Variants in PECAM1 observed in about 807,000 individuals in gnomAD.
PECAM1 encodes platelet endothelial cell adhesion molecule.
Under a neutral mutation model 13.8 loss-of-function variants are expected in PECAM1, and 8 were observed. The ratio of observed to expected loss-of-function variants is 0.58; its 90% CI spans 0.34 to 1.05. PECAM1 has a LOEUF of 1.05. Ranked by LOEUF, PECAM1 falls within the 50% of genes least tolerant of loss-of-function variation. PECAM1 has a pLI of 0.03. For synonymous variants in PECAM1, 136 were observed against 52.6 expected, an observed-to-expected ratio of 2.58 and a Z score of -6.86; for missense variants, 304 against 141.2, an observed-to-expected ratio of 2.15 and a Z score of -5.84.
chr17:64,368,598 C>T (rs1455627595), intron 5 of PECAM1, among the ~76,000 whole-genome samples: 3 of 151,968 alleles, frequency 2.0e-5, no homozygotes, highest in African/African-American at 7.3e-5. Flanking sequence ...GCCTATAATC[C>T]CAGCACTTTA....
chr17:64,348,000 G>C (rs955809116), intron 13 of PECAM1, among the ~76,000 whole-genome samples: 1 of 152,004 alleles, frequency 6.6e-6, no homozygotes, highest in Non-Finnish European at 1.5e-5. Context: ...CAAAGTGCTA[G>C]GATTACAGGT....
intron 5 of PECAM1, among the ~76,000 whole-genome samples, chr17:64,368,852 CAAAAAAGAAAAAAA>C (rs1167540576): frequency 7.9e-5 from 6 of 75,606 alleles, no homozygotes; most frequent in South Asian, 9.6e-4. Flanking sequence ...GACTTTGTCT[CAAAAAAGAAAAAAA>C]AAAAAAGAAA....
At position 64,375,275 on chromosome 17, in the gene PECAM1, T is replaced by A; in HGVS notation, c.467A>T (p.Glu156Val). Residue 156 changes from glutamate to valine, a missense_variant, in exon 4 of 16, where the codon GAG becomes GTG. Glu to Val is a moderately radical substitution (Grantham distance 121). Coordinates refer to ENST00000563924, the MANE Select transcript of PECAM1 (RefSeq NM_000442.5). ...TGTGAAGTGTATTGGGGCCTTTTCC[T>A]CTGGGACAGAACAGTTGACCCTCAC... ...GIVRVNCSVP[E>V]EKAPIHFTIE... is the part of the protein sequence containing the mutation. 2.1e-6 allele frequency: 1 copy of A among 475,376 alleles called. No homozygotes were observed. Among genetic ancestry groups the A allele is most frequent in the Non-Finnish European group, 3.9e-6 (1 of 259,038 alleles). The allele number at this position is 475,376 out of a possible 1,614,324, so 29.4% of individuals were successfully genotyped here.
intron 14 of PECAM1, among the ~76,000 whole-genome samples, chr17:64,331,946 C>T (rs117795383): frequency 0.011 from 1,676 of 152,344 alleles, 27 homozygotes; most frequent in Middle Eastern, 0.037. Context: ...GCCAAGGGGC[C>T]TCAGTATAGA....
Position 64,323,242 on chromosome 17 carries a change from C to T in PECAM1, c.*574G>A, listed in dbSNP as rs2278680. 68 of 990,800 alleles carry T rather than the reference C, an allele frequency of 6.9e-5. No homozygotes were observed. In the African/African-American group the frequency reaches 9.4e-4, roughly 14 times the overall value. 61.4% of individuals were successfully genotyped at this position (990,800 alleles called of 1,614,324 possible). On this transcript the variant is annotated 3_prime_UTR_variant, in exon 16 of 16. Transcript: ENST00000563924. ...TGTCTTCAGGTTGGTATTTCACAGG[C>T]GGTGCTCCCAAGTAGTCTGGTTTTC... is the stretch of plus-strand genomic sequence containing the variant.
intron 14 of PECAM1, among the ~76,000 whole-genome samples, chr17:64,336,123 C>T (rs1027230331): frequency 1.3e-5 from 2 of 151,904 alleles, no homozygotes; most frequent in Non-Finnish European, 2.9e-5. Context: ...AAAAATTACC[C>T]GGGCGTGGTG....
intron 3 of PECAM1, among the ~76,000 whole-genome samples, chr17:64,376,321 TA>T (rs2036357612): frequency 6.6e-6 from 1 of 151,076 alleles, no homozygotes; most frequent in Non-Finnish European, 1.5e-5. Flanking sequence ...AATAAATAAA[TA>T]AATAAATAAA....
At chr17:64,356,600 C>T (rs964122908) in intron 7 of PECAM1, among the ~76,000 whole-genome samples, 2 of 151,908 alleles carry the variant, frequency 1.3e-5, no homozygotes, top group Non-Finnish European at 2.9e-5. Context: ...CTCAGCCTCC[C>T]GAGTAGCTGG....
At chr17:64,387,846 G>C (rs1022286100) in intron 2 of PECAM1, among the ~76,000 whole-genome samples, 40 of 152,128 alleles carry the variant, frequency 2.6e-4, no homozygotes, top group Non-Finnish European at 1.0e-4. Context: ...TGGAAGGAAG[G>C]GAAAGGGCCG....
intron 11 of PECAM1, among the ~76,000 whole-genome samples, chr17:64,350,931 C>T (rs2035707820): frequency 6.6e-6 from 1 of 152,224 alleles, no homozygotes; most frequent in African/African-American, 2.4e-5. Flanking sequence ...GGCTGGAGTG[C>T]AATGTTGAGA....
chr17:64,342,351 C>T (rs1057347010), intron 13 of PECAM1, among the ~76,000 whole-genome samples: 7 of 152,122 alleles, frequency 4.6e-5, no homozygotes, highest in Admixed American at 2.6e-4. Context: ...CCCCTGCCAC[C>T]GTGACCCTTG....
chr17:64,334,823 A>G (rs1431222566), intron 14 of PECAM1, among the ~76,000 whole-genome samples: 1 of 151,920 alleles, frequency 6.6e-6, no homozygotes, highest in Non-Finnish European at 1.5e-5. Flanking sequence ...CCCCTGTTTT[A>G]TTGGGGGTCA....
chr17:64,379,521 C>T (rs2036435908), intron 2 of PECAM1, among the ~76,000 whole-genome samples: 1 of 152,092 alleles, frequency 6.6e-6, no homozygotes, highest in African/African-American at 2.4e-5. Context: ...TTTTGGAGAT[C>T]CTCTTGGCAA....
intron 15 of PECAM1, 105 bp downstream of exon 15, chr17:64,329,595 G>A: frequency 1.4e-6 from 1 of 705,498 alleles, no homozygotes; most frequent in South Asian, 1.5e-5. Flanking sequence ...ACAGACTAGG[G>A]AGCGGGGAAG....
At chr17:64,349,053 A>G (rs2035651109) in intron 12 of PECAM1, among the ~76,000 whole-genome samples, 1 of 152,212 alleles carries the variant, frequency 6.6e-6, no homozygotes, top group African/African-American at 2.4e-5. Context: ...CTCCACAGCC[A>G]CAGGCAAACA....
At chr17:64,351,487 G>A (rs2035722228) in intron 11 of PECAM1, among the ~76,000 whole-genome samples, 1 of 152,154 alleles carries the variant, frequency 6.6e-6, no homozygotes, top group South Asian at 2.1e-4. Flanking sequence ...CACTTTGGGA[G>A]GCCAAGGCAG....
At chr17:64,340,345 A>C (rs1467512813) in intron 14 of PECAM1, among the ~76,000 whole-genome samples, 2 of 152,100 alleles carry the variant, frequency 1.3e-5, no homozygotes, top group Non-Finnish European at 2.9e-5. Flanking sequence ...ATTTTGAATA[A>C]ATAAATAAAG....
Position 64,323,718 on chromosome 17 carries a change from G to T in PECAM1, c.*98C>A. Reference sequence around the variant, plus strand: ...GCTGTGTTCTGTGGGAGCAGGGCAGGTTCATAAATAAGTGCACAGAGGTCT... The same window carrying T: ...GCTGTGTTCTGTGGGAGCAGGGCAGTTTCATAAATAAGTGCACAGAGGTCT... On this transcript the variant is annotated 3_prime_UTR_variant, in exon 16 of 16. Transcript: ENST00000563924. 2 of 1,525,754 alleles carry T rather than the reference G, an allele frequency of 1.3e-6. No individual in the cohort carries two copies. The highest frequency in any genetic ancestry group is 1.7e-4 in the Middle Eastern group (1 of 5,868). The allele number at this position is 1,525,754 out of a possible 1,614,324, so 94.5% of individuals were successfully genotyped here. A position where few individuals can be genotyped will look rare whatever the true frequency, so the allele number is the denominator to read the frequency against.
intron 14 of PECAM1, among the ~76,000 whole-genome samples, chr17:64,333,194 T>C (rs950426648): frequency 1.3e-5 from 2 of 152,018 alleles, no homozygotes; most frequent in Admixed American, 6.6e-5. Flanking sequence ...AGATGGACCA[T>C]TGAGTGAGTA....
Sources: gnomAD v4.1 joint callset for allele counts (sites outside exome capture counted in the v4.1 genomes callset) on GRCh38, gnomAD v4.1.1 for gene constraint, MANE v1.5 for transcripts, NCBI Gene and HGNC (gene_info 2026-07-23, HGNC 2026-07-21) for gene names.